LRP1B: variants seen among roughly 807,000 people sequenced by gnomAD.
The protein encoded by LRP1B is low-density lipoprotein receptor-related protein 1B.
LRP1B carries 217 observed loss-of-function variants against 556.6 expected under a neutral mutation model. That is an observed-to-expected ratio of 0.39 (90% confidence interval 0.35 to 0.44). LRP1B has a LOEUF of 0.44. LRP1B is among the 20% of genes least tolerant of loss of function. The pLI is 1.00. For synonymous variants in LRP1B, 2,047 were observed against 1,865.8 expected (o/e 1.10, Z -2.50); for missense variants, 5,053 against 5,620.8 (o/e 0.90, Z 3.23).
chr2:140,595,618 A>C (rs1485421203), intron 43 of LRP1B, among the ~76,000 whole-genome samples: 1 of 152,148 alleles, frequency 6.6e-6, no homozygotes, highest in Non-Finnish European at 1.5e-5. Context: ...ACAAAATTAG[A>C]GAACATCACA....
intron 85 of LRP1B, among the ~76,000 whole-genome samples, chr2:140,272,292 C>CACACACAG (rs1424424326): frequency 9.6e-5 from 14 of 146,228 alleles, no homozygotes; most frequent in African/African-American, 3.3e-4. Flanking sequence ...CACACACACA[C>CACACACAG]AGAATATGTG....
chr2:140,309,248 G>A (rs1462909785), intron 83 of LRP1B, among the ~76,000 whole-genome samples: 1 of 151,756 alleles, frequency 6.6e-6, no homozygotes, highest in Non-Finnish European at 1.5e-5. Context: ...AAGAAGAATT[G>A]TGAGCTTTAT....
chr2:141,579,511 GA>G (rs1367140169), intron 2 of LRP1B, among the ~76,000 whole-genome samples: 1 of 152,060 alleles, frequency 6.6e-6, no homozygotes, highest in Non-Finnish European at 1.5e-5. Flanking sequence ...AGGACATTAT[GA>G]GTACTGAACG....
At chr2:141,942,649 C>T (rs1700846078) in intron 1 of LRP1B, among the ~76,000 whole-genome samples, 1 of 152,132 alleles carries the variant, frequency 6.6e-6, no homozygotes, top group Non-Finnish European at 1.5e-5. Flanking sequence ...AATAAATTTC[C>T]TGAACAAGAT....
chr2:140,318,770 TAGACAATCAAA>T (rs990923884), intron 82 of LRP1B, among the ~76,000 whole-genome samples: 5 of 152,088 alleles, frequency 3.3e-5, no homozygotes, highest in African/African-American at 1.2e-4. Flanking sequence ...TAAGTAATGT[TAGACAATCAAA>T]TGAGCTTCTA....
chr2:142,080,177 T>G (rs1705659742), intron 1 of LRP1B, among the ~76,000 whole-genome samples: 1 of 152,180 alleles, frequency 6.6e-6, no homozygotes, highest in African/African-American at 2.4e-5. Context: ...AAAGACTTGT[T>G]CTGGGAAAAC....
intron 87 of LRP1B, among the ~76,000 whole-genome samples, chr2:140,242,433 A>G (rs1680987118): frequency 6.6e-6 from 1 of 151,188 alleles, no homozygotes; most frequent in African/African-American, 2.4e-5. Context: ...AGGATGTCAT[A>G]GGGTCTATAA....
At position 141,232,955 on chromosome 2, in the gene LRP1B, C is replaced by T. The variant is rs114928562; in HGVS notation, c.593-3515G>A. On this transcript the variant is annotated intron_variant, in intron 5 of 90. Coordinates refer to ENST00000389484, the MANE Select transcript of LRP1B (RefSeq NM_018557.3). Reference sequence around the variant, plus strand: ...TATTTCAAGTTGAAACTGGCATAGCCCTGGCAAAAATGTAATCTATCTCTA... The same window carrying T: ...TATTTCAAGTTGAAACTGGCATAGCTCTGGCAAAAATGTAATCTATCTCTA... Among the ~76,000 whole-genome samples, 1,130 of 152,216 alleles carry T rather than the reference C, an allele frequency of 7.4e-3. 11 individuals carry two copies. Among genetic ancestry groups the T allele is most frequent in the African/African-American group, 0.024 (1,014 of 41,552 alleles).
intron 41 of LRP1B, among the ~76,000 whole-genome samples, chr2:140,630,397 A>T (rs1683835930): frequency 6.6e-6 from 1 of 152,224 alleles, no homozygotes; most frequent in African/African-American, 2.4e-5. Flanking sequence ...TCTTTCTTGG[A>T]CCAATCAGTA....
intron 2 of LRP1B, among the ~76,000 whole-genome samples, chr2:141,614,050 A>C (rs1688201772): frequency 8.7e-6 from 1 of 115,524 alleles, no homozygotes; most frequent in Non-Finnish European, 1.7e-5. Flanking sequence ...TCCACACTCC[A>C]GCCTGGGCGA....
At chr2:140,724,178 A>T (rs966450734) in intron 35 of LRP1B, among the ~76,000 whole-genome samples, 6 of 152,182 alleles carry the variant, frequency 3.9e-5, no homozygotes, top group Non-Finnish European at 8.8e-5. Flanking sequence ...GAGTTTATAT[A>T]CAATTCATTA....
chr2:141,543,687 C>T (rs78243693), intron 2 of LRP1B, among the ~76,000 whole-genome samples: 270 of 151,338 alleles, frequency 1.8e-3, no homozygotes, highest in African/African-American at 6.3e-3. Flanking sequence ...ATCACACCAC[C>T]GCACTTCACC....
At chr2:140,511,889 T>C (rs986574636) in intron 51 of LRP1B, among the ~76,000 whole-genome samples, 4 of 152,196 alleles carry the variant, frequency 2.6e-5, no homozygotes, top group Non-Finnish European at 4.4e-5. Flanking sequence ...AAAATATTTT[T>C]ATATTATTCC....
intron 1 of LRP1B, among the ~76,000 whole-genome samples, chr2:141,911,935 T>A (rs961899831): frequency 6.6e-6 from 1 of 152,152 alleles, no homozygotes; most frequent in Non-Finnish European, 1.5e-5. Context: ...ATGAACCCCC[T>A]ACAAGCATGC....
intron 1 of LRP1B, among the ~76,000 whole-genome samples, chr2:141,964,461 C>A (rs894038002): frequency 1.3e-5 from 2 of 149,666 alleles, no homozygotes; most frequent in Admixed American, 1.3e-4. Context: ...ACTATCTGAT[C>A]TTTGACAAAC....
chr2:140,343,377 G>A (rs1051052191), intron 77 of LRP1B, among the ~76,000 whole-genome samples: 13 of 151,322 alleles, frequency 8.6e-5, no homozygotes, highest in African/African-American at 1.7e-4. Flanking sequence ...CTTTAATCTC[G>A]CATTTTCACT....
chr2:141,205,599 T>C (rs1445261815), intron 6 of LRP1B, among the ~76,000 whole-genome samples: 2 of 152,224 alleles, frequency 1.3e-5, no homozygotes, highest in Admixed American at 6.5e-5. Context: ...GCAAACTTAA[T>C]GCACTCCTTT....
intron 21 of LRP1B, among the ~76,000 whole-genome samples, chr2:140,917,802 TACA>T (rs200144728): frequency 0.033 from 4,980 of 152,248 alleles, 113 homozygotes; most frequent in Middle Eastern, 0.058. Flanking sequence ...CCATAGAATA[TACA>T]ACATCTAAAT....
At chr2:140,465,677 A>G (rs1411183556) in intron 60 of LRP1B, among the ~76,000 whole-genome samples, 1 of 151,910 alleles carries the variant, frequency 6.6e-6, no homozygotes, top group African/African-American at 2.4e-5. Flanking sequence ...GTAATACTTA[A>G]AATGTCCCTA....
Sources: allele counts gnomAD v4.1 joint callset (sites outside exome capture counted in the v4.1 genomes callset), GRCh38; gene constraint gnomAD v4.1.1; transcripts MANE v1.5; gene names NCBI Gene and HGNC (gene_info 2026-07-23, HGNC 2026-07-21).